The following PLA2G4B variants were observed in gnomAD, a reference collection of about 807,000 sequenced individuals.
PLA2G4B encodes phospholipase A2 group IVB.
PLA2G4B carries 122 observed loss-of-function variants against 95.8 expected under a neutral mutation model. That is an observed-to-expected ratio of 1.27 (90% CI 1.10 to 1.48). The LOEUF (loss-of-function observed/expected upper bound fraction) is 1.48, where lower values mean the gene tolerates loss of function less well. PLA2G4B is among the 40% of genes most tolerant of loss of function. The pLI is 0.00. For synonymous variants in PLA2G4B, 518 were observed against 421.5 expected (o/e 1.23, Z -2.80); for missense variants, 1,158 against 996.2 (o/e 1.16, Z -2.19).
rs1248764241 is a variant in PLA2G4B, at chr15:41,847,755, C to G, written c.2241C>G (p.Asp747Glu). ...TGACCTACAGCCAGGAGGACGTGGA[C>G]AAGCTGCTGCACCTGACACATTACA... The part of the protein sequence containing the change: ...TKVTYSQEDV[D>E]KLLHLTHYNV... The change falls in exon 20 of 20, where the codon GAC becomes GAG. Residue 747 changes from aspartate (D) to glutamate (E), a missense_variant. Physicochemically the swap from Asp to Glu is conservative, Grantham distance 45. Coordinates refer to ENST00000458483, the MANE Select transcript of PLA2G4B (RefSeq NM_001114633.2). 3 of 1,610,114 alleles carry G rather than the reference C, an allele frequency of 1.9e-6. No individual in the cohort carries two copies. Among genetic ancestry groups the G allele is most frequent in the Non-Finnish European group, 2.5e-6 (3 of 1,180,024 alleles).
intron 15 of PLA2G4B, 23 bp downstream of exon 15, chr15:41,845,798 G>C: frequency 6.4e-7 from 1 of 1,574,458 alleles, no homozygotes. Flanking sequence ...GGCAGGCTGG[G>C]GAAGCTGGGC....
intron 8 of PLA2G4B, 66 bp downstream of exon 8, chr15:41,842,015 C>A: frequency 6.4e-7 from 1 of 1,573,850 alleles, no homozygotes; most frequent in East Asian, 2.3e-5. Flanking sequence ...CACCTCCTCC[C>A]AGTCTGACCT....
At chr15:41,841,753 C>T in intron 7 of PLA2G4B, 66 bp from the exon 8 acceptor site, 1 of 1,592,660 alleles carries the variant, frequency 6.3e-7, no homozygotes, top group Non-Finnish European at 8.6e-7. Context: ...CCAGGCCACG[C>T]AGCAAGATGG....
chr15:41,848,123 T>TACATC lies in PLA2G4B; in HGVS notation c.*267_*271dup, dbSNP rs1319864542. 5 of 576,986 alleles carry TACATC rather than the reference T, an allele frequency of 8.7e-6. No homozygotes were observed. Among genetic ancestry groups the TACATC allele is most frequent in the Non-Finnish European group, 1.2e-5 (4 of 323,660 alleles). The allele number at this position is 576,986 out of a possible 1,614,324, so 35.7% of individuals were successfully genotyped here. ...TACCTTGAGTAGTTGGAGCACTTGATACATCACAGACTCATACAAATGTGA... is the reference window on the plus strand; with the variant it reads ...TACCTTGAGTAGTTGGAGCACTTGATACATCACATCACAGACTCATACAAATGTGA... On this transcript the variant is annotated 3_prime_UTR_variant, in exon 20 of 20. Transcript: ENST00000458483.
chr15:41,843,662 C>T lies in PLA2G4B; in HGVS notation c.744-14C>T. ...GTTGAGAGCTGTCTCACAGTCTCTT[C>T]CTTCCCCGGCCAGACTGAGGGAGCT... On this transcript the variant is annotated splice_polypyrimidine_tract_variant and intron_variant, in intron 10 of 19. Transcript: ENST00000458483. 2 of 1,611,932 alleles carry T rather than the reference C, an allele frequency of 1.2e-6. No individual in the cohort carries two copies. The highest frequency in any genetic ancestry group is 1.7e-6 in the Non-Finnish European group (2 of 1,178,704).
chr15:41,841,105 G>C lies in PLA2G4B; in HGVS notation c.392+10G>C. 6.2e-7 allele frequency: 1 copy of C among 1,601,924 alleles called. No homozygotes were observed. Among genetic ancestry groups the C allele is most frequent in the African/African-American group, 1.3e-5 (1 of 74,746 alleles). On this transcript the variant is annotated intron_variant, in intron 5 of 19. Transcript: ENST00000458483. ...TTCGCCTGCAGAGTCTGTGAGTCAG[G>C]GGCCTGGGGCAGTTTGGGTGGGAGT... is the stretch of plus-strand genomic sequence containing the variant.
chr15:41,848,096 G>GCTAC lies in PLA2G4B; in HGVS notation c.*239_*242dup. ...GGCCTGTGCCTGTTTTCCCTTCTGC[G>GCTAC]CTACCTTGAGTAGTTGGAGCACTTG... On this transcript the variant is annotated 3_prime_UTR_variant, in exon 20 of 20. Transcript: ENST00000458483. 1 of 600,870 alleles carries GCTAC rather than the reference G, an allele frequency of 1.7e-6. No individual in the cohort carries two copies. Among genetic ancestry groups the GCTAC allele is most frequent in the Non-Finnish European group, 2.9e-6 (1 of 340,976 alleles). The allele number at this position is 600,870 out of a possible 1,614,324, so 37.2% of individuals were successfully genotyped here.
intron 18 of PLA2G4B, 40 bp from the exon 19 acceptor site, chr15:41,847,287 AGGATGCCAGG>A: frequency 6.5e-7 from 1 of 1,544,906 alleles, no homozygotes; most frequent in Non-Finnish European, 8.7e-7. Context: ...CCCAGTGTTG[AGGATGCCAGG>A]GGCCCTGTCC....
At chr15:41,840,060 G>A (rs2065395863) in intron 1 of PLA2G4B, 98 bp from the exon 2 acceptor site, 17 of 1,371,540 alleles carry the variant, frequency 1.2e-5, no homozygotes, top group Non-Finnish European at 1.6e-5. Context: ...CTGGGGTTCA[G>A]GATTAGGCCT....
Position 41,847,516 on chromosome 15 carries a change from G to A in PLA2G4B, c.2127G>A (p.Ser709=), listed in dbSNP as rs374867657. The part of the protein sequence containing the change: ...PLVSDSFREY[S]APGVRRTPEE... ...TCAGCGACTCCTTCCGGGAGTACTC[G>A]GCCCCTGGTGAGCTGCTGTTCACCT... Residue 709 remains serine (S), a synonymous_variant, in exon 19 of 20, where the codon TCG becomes TCA. Transcript: ENST00000458483. 5.7e-5 allele frequency: 91 copies of A among 1,603,556 alleles called. No individual in the cohort carries two copies. The South Asian group carries it at 6.6e-4, about 12-fold the overall frequency.
At chr15:41,844,441 C>T (rs2065493694) in intron 11 of PLA2G4B, 30 bp from the exon 12 acceptor site, 1 of 1,613,982 alleles carries the variant, frequency 6.2e-7, no homozygotes, top group Non-Finnish European at 8.5e-7. Context: ...TCCCTAGGGC[C>T]TCTACAGGCC....
intron 3 of PLA2G4B, 57 bp downstream of exon 3, chr15:41,840,717 C>G: frequency 6.2e-7 from 1 of 1,606,792 alleles, no homozygotes; most frequent in Non-Finnish European, 8.5e-7. Flanking sequence ...CTGCCGCTGC[C>G]CTGCTCACCT....
rs78667515 is a variant in PLA2G4B at position 41,847,107 on chromosome 15, C to T, written c.1948-230C>T. Reference sequence around the variant, plus strand: ...CCACCTGCTGAGTCTGCTTTGGCTCCCAGTGTCAGAACTGGAATGCTGGGA... The same window carrying T: ...CCACCTGCTGAGTCTGCTTTGGCTCTCAGTGTCAGAACTGGAATGCTGGGA... On this transcript the variant is annotated intron_variant, in intron 18 of 19. Coordinates refer to ENST00000458483, the MANE Select transcript of PLA2G4B (RefSeq NM_001114633.2). Among the ~76,000 whole-genome samples the T allele has an allele frequency of 5.1e-3, 777 of 152,276 alleles. 2 individuals carry two copies. Among genetic ancestry groups the T allele is most frequent in the Non-Finnish European group, 8.7e-3 (593 of 68,014 alleles).
chr15:41,844,719 G>A (rs2065500619), intron 12 of PLA2G4B, 112 bp downstream of exon 12: 4 of 1,577,736 alleles, frequency 2.5e-6, no homozygotes, highest in Non-Finnish European at 3.4e-6. Context: ...ATGTGCCAGG[G>A]AGAAACGTGC....
intron 2 of PLA2G4B, 108 bp from the exon 3 acceptor site, chr15:41,840,416 C>T: frequency 2.5e-6 from 4 of 1,595,232 alleles, no homozygotes; most frequent in Admixed American, 1.7e-5. Flanking sequence ...CCCACTTCCC[C>T]TCCCCCTCAG....
At chr15:41,841,714 C>T (rs1393936851) in intron 7 of PLA2G4B, 105 bp from the exon 8 acceptor site, 8 of 1,568,994 alleles carry the variant, frequency 5.1e-6, no homozygotes, top group Non-Finnish European at 6.9e-6. Context: ...CTCCACCAGA[C>T]CATTTCAGCG....
chr15:41,847,219 G>GC (rs1242127713), intron 18 of PLA2G4B, 118 bp from the exon 19 acceptor site: 142 of 1,435,426 alleles, frequency 9.9e-5, no homozygotes, highest in Admixed American at 3.3e-4. Context: ...GGCTTCATAG[G>GC]CCCCACTGGA....
At chr15:41,839,173 G>T in intron 1 of PLA2G4B, 1 of 383,288 alleles carries the variant, frequency 2.6e-6, no homozygotes, top group South Asian at 3.9e-5. Flanking sequence ...TTTGGGCCCT[G>T]GAGACTCAGA....
rs755269180 is a variant in PLA2G4B, at chr15:41,841,315, G to A, written c.435+42G>A. ...TCTGGGAGGCGGTCTGGGGTCCCCGGGACTCCCTCATGCCAGCGACTTGAG... is the reference window on the plus strand; with the variant it reads ...TCTGGGAGGCGGTCTGGGGTCCCCGAGACTCCCTCATGCCAGCGACTTGAG... On this transcript the variant is annotated intron_variant, in intron 6 of 19. Coordinates refer to ENST00000458483, the MANE Select transcript of PLA2G4B (RefSeq NM_001114633.2). 5 of 1,611,430 alleles carry A rather than the reference G, an allele frequency of 3.1e-6. No homozygotes were observed. The African/African-American group carries it at 6.7e-5, about 22-fold the overall frequency.
Sources: allele counts gnomAD v4.1 joint callset (sites outside exome capture counted in the v4.1 genomes callset), GRCh38; gene constraint gnomAD v4.1.1; transcripts MANE v1.5; gene names NCBI Gene and HGNC (gene_info 2026-07-23, HGNC 2026-07-21).